Variants in FHL1 observed in about 807,000 individuals in gnomAD.
FHL1 encodes four and a half LIM domains protein 1.
In FHL1, 1 loss-of-function variant was observed where a neutral mutation model predicts 20.3. The observed-to-expected ratio is 0.05, with a 90% CI of 0.02 to 0.23. FHL1 has a LOEUF of 0.23. Ranked by LOEUF, FHL1 falls within the 10% of genes least tolerant of loss-of-function variation. FHL1 has a pLI of 1.00. For synonymous variants in FHL1, 82 were observed against 88.9 expected (o/e 0.92, Z 0.44); for missense variants, 177 against 234.0 (o/e 0.76, Z 1.59).
chrX:136,158,247 A>G (rs185498219), intron 1 of FHL1, among the ~76,000 whole-genome samples: 1,220 of 112,056 alleles, frequency 0.011, 18 homozygotes, highest in African/African-American at 0.036. Flanking sequence ...CAAGCTTTTC[A>G]TATGCTGTTA....
At position 136,155,229 on chromosome X, in the gene FHL1, G is replaced by T. The variant is rs570875559; in HGVS notation, c.-101+7601G>T. On this transcript the variant is annotated intron_variant, in intron 1 of 7. Coordinates refer to the FHL1 transcript ENST00000394155. ...TCACATTCATCTGCCACTGCATCTT[G>T]CCCTTGTCCCCGTTTGCCAGTGTTA... 3.5e-4 allele frequency among the ~76,000 whole-genome samples: 39 copies of T among 111,343 alleles called. 1 individual carries two copies. Among genetic ancestry groups the T allele is most frequent in the Middle Eastern group, 4.7e-3 (1 of 214 alleles).
intron 1 of FHL1, among the ~76,000 whole-genome samples, chrX:136,200,180 A>C (rs1326360624): frequency 4.5e-5 from 5 of 111,876 alleles, no homozygotes; most frequent in African/African-American, 1.3e-4. Flanking sequence ...TTTTGGAATA[A>C]ATGTCTAAAA....
At chrX:136,183,250 T>C (rs940020338) in intron 2 of FHL1, among the ~76,000 whole-genome samples, 6 of 111,533 alleles carry the variant, frequency 5.4e-5, no homozygotes, top group African/African-American at 2.0e-4. Context: ...TAAATTATAT[T>C]TGGAGAGTTG....
At chrX:136,147,133 T>C (rs867405529), upstream of FHL1, 157 of 202,732 alleles carry the variant, frequency 7.7e-4, no homozygotes, top group African/African-American at 4.3e-3. Flanking sequence ...TAAGGACCGC[T>C]GCGCGAGGGA....
At chrX:136,163,219 T>C (rs769546337) in intron 1 of FHL1, among the ~76,000 whole-genome samples, 2 of 112,357 alleles carry the variant, frequency 1.8e-5, no homozygotes, top group East Asian at 5.6e-4. Flanking sequence ...CAGGCATCAC[T>C]AGTTGCTTTG....
chrX:136,195,503 G>A (rs754310890), upstream of FHL1, among the ~76,000 whole-genome samples: 1 of 112,369 alleles, frequency 8.9e-6, no homozygotes, highest in Non-Finnish European at 1.9e-5. Context: ...CTAGAAAGGC[G>A]TGGAGCCAGA....
At chrX:136,158,851 G>T (rs889052545) in intron 1 of FHL1, among the ~76,000 whole-genome samples, 4 of 111,403 alleles carry the variant, frequency 3.6e-5, no homozygotes, top group Non-Finnish European at 7.5e-5. Context: ...AATTAAAATT[G>T]TCCTGAGATA....
intron 2 of FHL1, among the ~76,000 whole-genome samples, chrX:136,185,506 T>A (rs1289678620): frequency 8.9e-6 from 1 of 112,004 alleles, no homozygotes; most frequent in Non-Finnish European, 1.9e-5. Flanking sequence ...GTTAGTTTTT[T>A]AAAATATTCA....
intron 2 of FHL1, among the ~76,000 whole-genome samples, chrX:136,188,712 A>G: frequency 1.8e-5 from 2 of 111,003 alleles, no homozygotes; most frequent in South Asian, 7.8e-4. Flanking sequence ...TAGATGCTTT[A>G]GCCGGAGTTC....
In FHL1 at chrX:136,199,506, A is replaced by G. The variant is rs777749250; in HGVS notation, c.22+2372A>G. Among the ~76,000 whole-genome samples the G allele has an allele frequency of 7.8e-4, 88 of 112,457 alleles. 1 individual carries two copies. Among genetic ancestry groups the G allele is most frequent in the Non-Finnish European group, 1.3e-3 (67 of 53,298 alleles). ...TCCGTCTCATTGCAGCTACTTAGGT[A>G]TTTATTCCCAAATGTCTGACGACAC... On this transcript the variant is annotated intron_variant, in intron 1 of 5. Coordinates refer to ENST00000370683, the MANE Select transcript of FHL1 (RefSeq NM_001159699.2).
At chrX:136,187,069 A>G (rs1473587367) in intron 2 of FHL1, among the ~76,000 whole-genome samples, 1 of 110,211 alleles carries the variant, frequency 9.1e-6, no homozygotes, top group African/African-American at 3.3e-5. Flanking sequence ...AAATAGAACT[A>G]GCAATAGAAT....
chrX:136,183,533 TTATG>T (rs763853581), intron 2 of FHL1, among the ~76,000 whole-genome samples: 5 of 112,067 alleles, frequency 4.5e-5, no homozygotes, highest in Non-Finnish European at 9.4e-5. Flanking sequence ...TAGCTCAAGT[TTATG>T]TATTATTTTA....
At chrX:136,158,128 A>G (rs1334201346) in intron 1 of FHL1, among the ~76,000 whole-genome samples, 1 of 112,074 alleles carries the variant, frequency 8.9e-6, no homozygotes, top group Non-Finnish European at 1.9e-5. Flanking sequence ...GTATAAAATT[A>G]CTATGTATTA....
At position 136,159,759 on chromosome X, in the gene FHL1, C is replaced by T. The variant is rs191138363; in HGVS notation, c.-100-10148C>T. ...GTGGGAGCAGTGGGTTGGGACTTCG[C>T]TTGCCACCCTTGAAACATCATGCCA... is the stretch of plus-strand genomic sequence containing the variant. On this transcript the variant is annotated intron_variant, in intron 1 of 7. Coordinates refer to the FHL1 transcript ENST00000394155. Among the ~76,000 whole-genome samples, 24 of 111,779 alleles carry T rather than the reference C, an allele frequency of 2.1e-4. No homozygotes were observed. The East Asian group carries it at 5.7e-3, about 26-fold the overall frequency.
At chrX:136,207,396 C>T (rs1034992412) in intron 3 of FHL1, 11 of 443,258 alleles carry the variant, frequency 2.5e-5, no homozygotes, top group Admixed American at 8.2e-5. Flanking sequence ...AGAACACTGG[C>T]GAGAACAGCC....
rs752839497 is a variant in FHL1 at position 136,207,919 on chromosome X, C to T, written c.507C>T (p.Cys169=). ...PKGEDFYCVT[C]HETKFAKHCV... is the part of the protein sequence containing the mutation. ...GGGAGGACTTCTACTGCGTGACTTG[C>T]CATGAGACCAAGTTTGCCAAGCATT... Residue 169 remains cysteine (C), a synonymous_variant, in exon 4 of 6, where the codon TGC becomes TGT. Coordinates refer to ENST00000370683, the MANE Select transcript of FHL1 (RefSeq NM_001159699.2). 3 of 1,212,252 alleles carry T rather than the reference C, an allele frequency of 2.5e-6. No homozygotes were observed. The East Asian group carries it at 8.9e-5, about 36-fold the overall frequency.
chrX:136,165,674 C>G (rs754501328), upstream of FHL1, among the ~76,000 whole-genome samples: 31 of 111,972 alleles, frequency 2.8e-4, no homozygotes, highest in Admixed American at 2.8e-3. Flanking sequence ...TGATTTGACT[C>G]TTCTTTTAAG....
intron 1 of FHL1, among the ~76,000 whole-genome samples, chrX:136,203,197 T>G: frequency 8.9e-6 from 1 of 112,586 alleles, no homozygotes; most frequent in South Asian, 3.7e-4. Flanking sequence ...AATCCAACAT[T>G]CCTAGAAGTG....
chrX:136,195,238 C>G (rs766001396), upstream of FHL1, among the ~76,000 whole-genome samples: 1 of 112,564 alleles, frequency 8.9e-6, no homozygotes, highest in African/African-American at 3.2e-5. Context: ...CAGGAATTGA[C>G]TTCCTAAAGG....
Sources: allele counts gnomAD v4.1 joint callset (sites outside exome capture counted in the v4.1 genomes callset), GRCh38; gene constraint gnomAD v4.1.1; transcripts MANE v1.5; gene names NCBI Gene and HGNC (gene_info 2026-07-23, HGNC 2026-07-21).